Variants in CDKAL1 observed in about 807,000 individuals in gnomAD.
The protein encoded by CDKAL1 is CDKAL1 threonylcarbamoyladenosine tRNA methylthiotransferase, also known as threonylcarbamoyladenosine tRNA methylthiotransferase.
CDKAL1 carries 32 observed loss-of-function variants against 68.2 expected under a neutral mutation model. The observed-to-expected ratio is 0.47, with a 90% CI of 0.35 to 0.63. The LOEUF (loss-of-function observed/expected upper bound fraction) is 0.63, where lower values mean the gene tolerates loss of function less well. CDKAL1 is among the 30% of genes least tolerant of loss of function. CDKAL1 has a pLI of 0.00. For missense variants in CDKAL1, 606 were observed against 696.7 expected, an observed-to-expected ratio of 0.87 and a Z score of 1.47; for synonymous variants, 234 against 244.3, an observed-to-expected ratio of 0.96 and a Z score of 0.39.
intron 9 of CDKAL1, among the ~76,000 whole-genome samples, chr6:20,866,389 C>G (rs1369741425): frequency 6.6e-6 from 1 of 152,198 alleles, no homozygotes; most frequent in East Asian, 1.9e-4. Context: ...TAGAAATAAA[C>G]ATGATAAATG....
chr6:21,226,338 A>AGATT (rs2151128732), intron 15 of CDKAL1, among the ~76,000 whole-genome samples: 1 of 150,544 alleles, frequency 6.6e-6, no homozygotes, highest in East Asian at 1.9e-4. Flanking sequence ...CTGCTTTAAC[A>AGATT]GATTGATTAC....
intron 11 of CDKAL1, among the ~76,000 whole-genome samples, chr6:21,050,970 T>C (rs373350857): frequency 1.3e-5 from 2 of 152,376 alleles, no homozygotes; most frequent in African/African-American, 4.8e-5. Flanking sequence ...TATTCATTTA[T>C]AGGAATACAT....
chr6:21,117,181 C>A (rs546839133), intron 13 of CDKAL1, among the ~76,000 whole-genome samples: 1 of 152,214 alleles, frequency 6.6e-6, no homozygotes, highest in South Asian at 2.1e-4. Context: ...ATCCAGAGGA[C>A]AAACTTGGCT....
chr6:20,708,542 G>A (rs921509229), intron 5 of CDKAL1, among the ~76,000 whole-genome samples: 3 of 152,134 alleles, frequency 2.0e-5, no homozygotes, highest in African/African-American at 7.2e-5. Context: ...GACGTGGGCT[G>A]GGAACTTTGG....
intron 13 of CDKAL1, among the ~76,000 whole-genome samples, chr6:21,187,892 A>T (rs967400714): frequency 3.3e-5 from 5 of 152,030 alleles, no homozygotes; most frequent in East Asian, 1.9e-4. Flanking sequence ...TATGAAAAAA[A>T]TTTTTTCCCA....
intron 8 of CDKAL1, among the ~76,000 whole-genome samples, chr6:20,793,156 T>C (rs540853788): frequency 6.6e-6 from 1 of 151,474 alleles, no homozygotes. Context: ...TGTAGATTTC[T>C]GTGCTTACTC....
chr6:20,732,371 G>A (rs184778767), intron 5 of CDKAL1, among the ~76,000 whole-genome samples: 2 of 149,774 alleles, frequency 1.3e-5, no homozygotes, highest in East Asian at 3.9e-4. Flanking sequence ...TGCCTCCGGG[G>A]TTCAAGCGAT....
Position 21,181,254 on chromosome 6 carries a change from A to G in CDKAL1, c.1300-16767A>G, listed in dbSNP as rs1367893644. On this transcript the variant is annotated intron_variant, in intron 13 of 15. Transcript: ENST00000274695. ...AGATTCTACATCTCAACACTCTTAC[A>G]ATGGCACTTAAATTTCAGCATGAGT... Among the ~76,000 whole-genome samples the G allele has an allele frequency of 2.0e-5, 3 of 152,216 alleles. No individual in the cohort carries two copies. In the East Asian group the frequency reaches 5.8e-4, roughly 29 times the overall value.
intron 10 of CDKAL1, among the ~76,000 whole-genome samples, chr6:20,965,067 T>A (rs897443161): frequency 3.3e-5 from 5 of 152,032 alleles, no homozygotes; most frequent in Admixed American, 2.6e-4. Flanking sequence ...TTCCAGGTGT[T>A]TGGGAGGCCA....
At chr6:20,856,472 A>G (rs4712556) in intron 9 of CDKAL1, among the ~76,000 whole-genome samples, 87,793 of 152,004 alleles carry the variant, frequency 0.58, 26,251 homozygotes, top group Non-Finnish European at 0.66. Context: ...ATAACACCAG[A>G]TATGTAGAGG....
chr6:20,721,501 T>C (rs1291366649), intron 5 of CDKAL1, among the ~76,000 whole-genome samples: 1 of 152,184 alleles, frequency 6.6e-6, no homozygotes, highest in Non-Finnish European at 1.5e-5. Context: ...TCTTTGCTAT[T>C]GTAATTAGTG....
chr6:21,101,217 A>C (rs141202490), intron 12 of CDKAL1, among the ~76,000 whole-genome samples: 128 of 152,312 alleles, frequency 8.4e-4, no homozygotes, highest in Non-Finnish European at 1.6e-3. Flanking sequence ...AGAATCATAG[A>C]GGCTAACAGT....
chr6:20,559,820 C>T (rs1367962633), intron 4 of CDKAL1: 1 of 152,074 alleles, frequency 6.6e-6, no homozygotes, highest in African/African-American at 2.4e-5. Flanking sequence ...TGCTTAATTG[C>T]TTAATAATTC....
chr6:20,603,709 G>T (rs1766205684), intron 4 of CDKAL1, among the ~76,000 whole-genome samples: 1 of 150,350 alleles, frequency 6.7e-6, no homozygotes, highest in African/African-American at 2.4e-5. Flanking sequence ...TGCCTACTAT[G>T]TCTGCAGTAG....
intron 9 of CDKAL1, among the ~76,000 whole-genome samples, chr6:20,923,792 G>C (rs1171525171): frequency 2.0e-5 from 3 of 152,186 alleles, no homozygotes; most frequent in Non-Finnish European, 4.4e-5. Flanking sequence ...TGGGTGGATT[G>C]CTTGACCTCA....
intron 4 of CDKAL1, among the ~76,000 whole-genome samples, chr6:20,600,677 G>A (rs1211030333): frequency 6.7e-6 from 1 of 150,202 alleles, no homozygotes; most frequent in Non-Finnish European, 1.5e-5. Flanking sequence ...TAATACTCAA[G>A]ATATGATACT....
intron 10 of CDKAL1, among the ~76,000 whole-genome samples, chr6:20,998,353 T>C (rs1283655524): frequency 6.6e-6 from 1 of 152,176 alleles, no homozygotes; most frequent in African/African-American, 2.4e-5. Flanking sequence ...GGCTCACGCC[T>C]GTAATCCCAG....
At chr6:21,132,601 A>T (rs1203613760) in intron 13 of CDKAL1, among the ~76,000 whole-genome samples, 1 of 152,186 alleles carries the variant, frequency 6.6e-6, no homozygotes, top group East Asian at 1.9e-4. Context: ...TGAGGGTCAT[A>T]ATAACATTTT....
intron 13 of CDKAL1, among the ~76,000 whole-genome samples, chr6:21,188,237 A>C (rs956891272): frequency 1.3e-5 from 2 of 152,200 alleles, no homozygotes; most frequent in Non-Finnish European, 2.9e-5. Flanking sequence ...CAGTAGTTAA[A>C]AACTTCTCAT....
Sources: gnomAD v4.1 joint callset for allele counts (sites outside exome capture counted in the v4.1 genomes callset) on GRCh38, gnomAD v4.1.1 for gene constraint, MANE v1.5 for transcripts, NCBI Gene and HGNC (gene_info 2026-07-23, HGNC 2026-07-21) for gene names.